GUCY1A2: variants seen among roughly 807,000 people sequenced by gnomAD.
GUCY1A2 encodes the protein guanylate cyclase soluble subunit alpha-2.
In GUCY1A2, 27 loss-of-function variants were observed where a neutral mutation model predicts 63.5. The ratio of observed to expected loss-of-function variants is 0.43; its 90% CI spans 0.31 to 0.59. The LOEUF (loss-of-function observed/expected upper bound fraction) is 0.59. Ranked by LOEUF, GUCY1A2 falls within the 20% of genes least tolerant of loss-of-function variation. The probability of loss-of-function intolerance (pLI) is 0.11; values close to 1 mark genes in which losing one functional copy is unlikely to be tolerated. For missense variants in GUCY1A2, 768 were observed against 913.3 expected, an observed-to-expected ratio of 0.84 and a Z score of 2.05; for synonymous variants, 364 against 343.5, an observed-to-expected ratio of 1.06 and a Z score of -0.66.
At chr11:106,971,964 C>T (rs573196911) in intron 3 of GUCY1A2, among the ~76,000 whole-genome samples, 13 of 152,158 alleles carry the variant, frequency 8.5e-5, no homozygotes, top group African/African-American at 1.7e-4. Flanking sequence ...CAGACACACA[C>T]AATATGGGCA....
chr11:106,965,706 T>G (rs1265487951), intron 3 of GUCY1A2, among the ~76,000 whole-genome samples: 1 of 152,158 alleles, frequency 6.6e-6, no homozygotes, highest in African/African-American at 2.4e-5. Context: ...TCTCAAATCT[T>G]CATGGCCAGC....
chr11:106,839,201 C>A (rs1196516111), intron 4 of GUCY1A2, among the ~76,000 whole-genome samples: 1 of 151,940 alleles, frequency 6.6e-6, no homozygotes, highest in Admixed American at 6.6e-5. Flanking sequence ...TATGGCTAGC[C>A]AGTTTTCCCA....
rs1164677807 is a variant in GUCY1A2 at position 107,008,193 on chromosome 11, C to T, written c.303+9560G>A. Among the ~76,000 whole-genome samples the T allele has an allele frequency of 2.1e-5, 3 of 144,330 alleles. 1 individual carries two copies. Among genetic ancestry groups the T allele is most frequent in the Admixed American group, 1.7e-4 (2 of 11,970 alleles). The allele number at this position is 144,330 out of a possible 152,430, so 94.7% of individuals were successfully genotyped here. A position where few individuals can be genotyped will look rare whatever the true frequency, so the allele number is the denominator to read the frequency against. On this transcript the variant is annotated intron_variant, in intron 1 of 7. Transcript: ENST00000526355. ...ACCCAGGAGGCTGAGGCAGGAGAAT[C>T]GCTGGAACCCGGTGGGCAGAGGCTG...
intron 4 of GUCY1A2, among the ~76,000 whole-genome samples, chr11:106,912,467 C>T (rs1261200540): frequency 6.6e-6 from 1 of 151,984 alleles, no homozygotes; most frequent in East Asian, 1.9e-4. Context: ...ATATGTTCTC[C>T]CCAGAACCAA....
chr11:106,836,792 T>C (rs1591296340), intron 4 of GUCY1A2, among the ~76,000 whole-genome samples: 1 of 151,984 alleles, frequency 6.6e-6, no homozygotes, highest in Non-Finnish European at 1.5e-5. Context: ...ATTGCAATAG[T>C]ACAGTATGTA....
chr11:106,851,454 T>C (rs1053375851), intron 4 of GUCY1A2, among the ~76,000 whole-genome samples: 8 of 151,982 alleles, frequency 5.3e-5, no homozygotes, highest in African/African-American at 1.9e-4. Context: ...TGTTTCCCTA[T>C]GCTTTCTTCT....
At chr11:106,941,400 A>G (rs1387088995) in intron 3 of GUCY1A2, among the ~76,000 whole-genome samples, 1 of 152,198 alleles carries the variant, frequency 6.6e-6, no homozygotes, top group Non-Finnish European at 1.5e-5. Context: ...GCCAAAGAGG[A>G]CTATAACACA....
At chr11:106,693,741 T>C (rs912739555) in intron 7 of GUCY1A2, among the ~76,000 whole-genome samples, 2 of 152,172 alleles carry the variant, frequency 1.3e-5, no homozygotes, top group Admixed American at 6.5e-5. Context: ...ACATAAAGAA[T>C]TTTAAAATTT....
At chr11:106,868,785 GC>G (rs1859631426) in intron 4 of GUCY1A2, among the ~76,000 whole-genome samples, 1 of 152,146 alleles carries the variant, frequency 6.6e-6, no homozygotes, top group African/African-American at 2.4e-5. Context: ...CCAAAAAAGA[GC>G]CCACATTGCC....
intron 5 of GUCY1A2, among the ~76,000 whole-genome samples, chr11:106,792,620 A>G (rs1864684555): frequency 6.6e-6 from 1 of 152,086 alleles, no homozygotes; most frequent in African/African-American, 2.4e-5. Context: ...ATACCTCAAA[A>G]TAATAAGCAT....
At chr11:106,822,877 T>TTTTGTG (rs1858921156) in intron 4 of GUCY1A2, among the ~76,000 whole-genome samples, 3 of 152,258 alleles carry the variant, frequency 2.0e-5, no homozygotes, top group African/African-American at 7.2e-5. Context: ...ATTAAAATAA[T>TTTTGTG]AGTTGAAGGC....
intron 5 of GUCY1A2, 31 bp from the exon 6 acceptor site, chr11:106,776,613 G>A (rs752922689): frequency 1.6e-5 from 26 of 1,599,834 alleles, no homozygotes; most frequent in African/African-American, 1.1e-4. Flanking sequence ...AAATGCAAAC[G>A]TATGATAATG....
chr11:106,749,943 A>G (rs1863855134), intron 6 of GUCY1A2, among the ~76,000 whole-genome samples: 2 of 152,088 alleles, frequency 1.3e-5, no homozygotes, highest in Non-Finnish European at 1.5e-5. Context: ...AATTGGATCT[A>G]TGTATACATA....
intron 4 of GUCY1A2, among the ~76,000 whole-genome samples, chr11:106,814,073 C>T (rs540981709): frequency 1.3e-5 from 2 of 152,022 alleles, no homozygotes; most frequent in Admixed American, 6.6e-5. Context: ...GAGAGAGAAG[C>T]GAAGCAATTA....
intron 6 of GUCY1A2, among the ~76,000 whole-genome samples, chr11:106,764,870 T>C (rs1864132432): frequency 6.6e-6 from 1 of 151,288 alleles, no homozygotes; most frequent in African/African-American, 2.4e-5. Flanking sequence ...GTTCTGCAAT[T>C]GGCTAGCTAC....
chr11:106,744,469 A>G (rs1863752751), intron 6 of GUCY1A2, among the ~76,000 whole-genome samples: 2 of 152,138 alleles, frequency 1.3e-5, no homozygotes, highest in Admixed American at 1.3e-4. Context: ...TGCTTTTTAA[A>G]TCATCGGAAT....
intron 5 of GUCY1A2, among the ~76,000 whole-genome samples, chr11:106,782,412 C>T (rs554245071): frequency 2.6e-5 from 4 of 152,190 alleles, no homozygotes; most frequent in Non-Finnish European, 5.9e-5. Flanking sequence ...CTCTTAGTAT[C>T]TCACAGAGCA....
At chr11:106,928,479 T>C (rs1333338545) in intron 4 of GUCY1A2, among the ~76,000 whole-genome samples, 1 of 148,066 alleles carries the variant, frequency 6.8e-6, no homozygotes, top group Non-Finnish European at 1.5e-5. Context: ...CCCCCCTGTA[T>C]CTCCAAGGAA....
intron 3 of GUCY1A2, among the ~76,000 whole-genome samples, chr11:106,963,069 C>T (rs1861080468): frequency 1.3e-5 from 2 of 152,064 alleles, no homozygotes; most frequent in Non-Finnish European, 2.9e-5. Context: ...ACTAATTCTA[C>T]ACAATGCTAT....
Sources: allele counts gnomAD v4.1 joint callset (sites outside exome capture counted in the v4.1 genomes callset), GRCh38; gene constraint gnomAD v4.1.1; transcripts MANE v1.5; gene names NCBI Gene and HGNC (gene_info 2026-07-23, HGNC 2026-07-21).